RBFOX1: variants seen among roughly 807,000 people sequenced by gnomAD.
RBFOX1 encodes RNA binding fox-1 homolog 1.
RBFOX1 carries 8 observed loss-of-function variants against 57.7 expected under a neutral mutation model. That is an observed-to-expected ratio of 0.14 (90% CI 0.08 to 0.25). The LOEUF is 0.25. RBFOX1 is among the 10% of genes least tolerant of loss of function. The pLI, the probability that RBFOX1 is intolerant of heterozygous loss-of-function variation, is 1.00. For missense variants in RBFOX1, 611 were observed against 548.5 expected (o/e 1.11, Z -1.14); for synonymous variants, 326 against 222.4 (o/e 1.47, Z -4.15).
At chr16:7,278,515 G>T (rs1292024851) in intron 4 of RBFOX1, among the ~76,000 whole-genome samples, 2 of 152,132 alleles carry the variant, frequency 1.3e-5, no homozygotes, top group African/African-American at 4.8e-5. Context: ...TACCTTTTAA[G>T]AAAGTGTATT....
Position 6,556,720 on chromosome 16 carries a change from C to T in RBFOX1, c.-63-97883C>T, listed in dbSNP as rs17140590. ...AATTAAATGTATTGTGATGATCTGC[C>T]GTAGAAATTTGCATTTAAAAGAAAA... is the stretch of plus-strand genomic sequence containing the variant. On this transcript the variant is annotated intron_variant, in intron 2 of 15. Transcript: ENST00000550418. Among the ~76,000 whole-genome samples the T allele has an allele frequency of 9.6e-3, 1,452 of 151,888 alleles. 24 individuals carry two copies. The highest frequency in any genetic ancestry group is 0.033 in the African/African-American group (1,378 of 41,440).
At chr16:6,910,361 T>G (rs1432759611) in intron 3 of RBFOX1, among the ~76,000 whole-genome samples, 1 of 152,212 alleles carries the variant, frequency 6.6e-6, no homozygotes, top group Non-Finnish European at 1.5e-5. Context: ...CACACCCATC[T>G]TCCTATTTCC....
chr16:6,801,146 G>T (rs892380377), intron 3 of RBFOX1, among the ~76,000 whole-genome samples: 1 of 149,242 alleles, frequency 6.7e-6, no homozygotes, highest in East Asian at 2.0e-4. Flanking sequence ...GCTCCTAGGT[G>T]ATGTTGATGT....
At chr16:6,510,775 A>T (rs1047577929) in intron 2 of RBFOX1, among the ~76,000 whole-genome samples, 2 of 152,054 alleles carry the variant, frequency 1.3e-5, no homozygotes, top group African/African-American at 4.8e-5. Context: ...AAAGACAACA[A>T]TTTGTTGCCA....
chr16:7,094,905 G>C (rs1473482456), intron 4 of RBFOX1, among the ~76,000 whole-genome samples: 2 of 151,840 alleles, frequency 1.3e-5, no homozygotes, highest in African/African-American at 4.8e-5. Context: ...ACAGACTTTT[G>C]CCCCGTCTCT....
At chr16:7,456,834 G>A (rs34431303) in intron 4 of RBFOX1, among the ~76,000 whole-genome samples, 64,662 of 151,884 alleles carry the variant, frequency 0.43, 14,010 homozygotes, top group Non-Finnish European at 0.45. Context: ...GAGCAGGGCT[G>A]TATCAGCTTG....
chr16:6,745,215 G>C (rs191539165), intron 3 of RBFOX1, among the ~76,000 whole-genome samples: 4 of 152,046 alleles, frequency 2.6e-5, no homozygotes, highest in East Asian at 3.9e-4. Flanking sequence ...AAAATTCCAA[G>C]CCCAGATGAC....
Position 7,206,696 on chromosome 16 carries a change from G to C in RBFOX1, c.27+154598G>C, listed in dbSNP as rs868401531. 7.9e-5 allele frequency among the ~76,000 whole-genome samples: 12 copies of C among 152,062 alleles called. No individual in the cohort carries two copies. In the South Asian group the frequency reaches 1.0e-3, roughly 13 times the overall value. ...CCTGAAGTCCTGACAAGCACAGAGTGAGGATTTACGAAGTGACAAACAGAT... is the reference window on the plus strand; with the variant it reads ...CCTGAAGTCCTGACAAGCACAGAGTCAGGATTTACGAAGTGACAAACAGAT... On this transcript the variant is annotated intron_variant, in intron 4 of 15. Coordinates refer to ENST00000550418, the MANE Select transcript of RBFOX1 (RefSeq NM_018723.4).
At chr16:5,849,537 G>A (rs2056839869) in intron 3 of RBFOX1, among the ~76,000 whole-genome samples, 1 of 151,982 alleles carries the variant, frequency 6.6e-6, no homozygotes, top group Non-Finnish European at 1.5e-5. Flanking sequence ...CTGATTCCAT[G>A]GCCCCTCTGA....
At chr16:7,268,165 G>A (rs1424700580) in intron 4 of RBFOX1, among the ~76,000 whole-genome samples, 1 of 152,146 alleles carries the variant, frequency 6.6e-6, no homozygotes, top group African/African-American at 2.4e-5. Context: ...CCATAGAAAA[G>A]GTACTGTAAA....
intron 3 of RBFOX1, among the ~76,000 whole-genome samples, chr16:6,969,514 C>T (rs1259595537): frequency 6.6e-6 from 1 of 151,844 alleles, no homozygotes; most frequent in African/African-American, 2.4e-5. Flanking sequence ...GTAGGTGGAT[C>T]GATTGAGCTC....
intron 3 of RBFOX1, among the ~76,000 whole-genome samples, chr16:6,702,934 C>G (rs2062083239): frequency 6.6e-6 from 1 of 152,174 alleles, no homozygotes; most frequent in Admixed American, 6.5e-5. Context: ...TTCTCATGTC[C>G]TCCCAGCCTC....
intron 4 of RBFOX1, among the ~76,000 whole-genome samples, chr16:5,924,464 C>T (rs113390139): frequency 6.6e-6 from 1 of 152,092 alleles, no homozygotes; most frequent in Non-Finnish European, 1.5e-5. Flanking sequence ...AATGAATTCT[C>T]TATTCATTCC....
Position 5,370,349 on chromosome 16 carries a change from C to A in RBFOX1, c.220-96867C>A, listed in dbSNP as rs373492761. Among the ~76,000 whole-genome samples, 4 of 152,014 alleles carry A rather than the reference C, an allele frequency of 2.6e-5. No individual in the cohort carries two copies. The East Asian group carries it at 7.7e-4, about 29-fold the overall frequency. ...TCTCTTCCCTTCTTTAGACATTCAG[C>A]TGTTTGACGTCCTCCCTGGTGCCAG... On this transcript the variant is annotated intron_variant, in intron 1 of 2. Coordinates refer to the RBFOX1 transcript ENST00000585867.
At chr16:5,894,895 GC>G (rs35407257) in intron 4 of RBFOX1, among the ~76,000 whole-genome samples, 41,945 of 151,922 alleles carry the variant, frequency 0.28, 5,920 homozygotes, top group South Asian at 0.43. Flanking sequence ...GGTGGCAGGT[GC>G]CTGTAGTCCC....
chr16:7,196,034 A>G (rs893530245), intron 4 of RBFOX1, among the ~76,000 whole-genome samples: 3 of 151,958 alleles, frequency 2.0e-5, no homozygotes, highest in African/African-American at 7.3e-5. Flanking sequence ...TGTGAGTATC[A>G]TATTTCCCAG....
intron 1 of RBFOX1, among the ~76,000 whole-genome samples, chr16:5,398,459 A>G (rs928681751): frequency 1.3e-5 from 2 of 151,250 alleles, no homozygotes; most frequent in Admixed American, 1.3e-4. Context: ...GTGTATGTGT[A>G]TGCATGTGTG....
intron 2 of RBFOX1, among the ~76,000 whole-genome samples, chr16:6,544,868 C>G (rs780375756): frequency 3.9e-5 from 6 of 152,232 alleles, no homozygotes; most frequent in African/African-American, 1.4e-4. Context: ...AAGTTGGAAT[C>G]CGTTACCTTT....
At position 7,590,196 on chromosome 16, in the gene RBFOX1, G is replaced by A. The variant is rs2094367993; in HGVS notation, c.468+2896G>A. 2.6e-5 allele frequency among the ~76,000 whole-genome samples: 4 copies of A among 151,962 alleles called. No individual in the cohort carries two copies. In the South Asian group the frequency reaches 6.2e-4, roughly 24 times the overall value. On this transcript the variant is annotated intron_variant, in intron 7 of 15. Transcript: ENST00000550418. ...GCAGGAGGATTGCTTGATCCCAGGA[G>A]GTCAAGGCTTTACTGAGCTATGATT... is the stretch of plus-strand genomic sequence containing the variant.
Sources: allele counts gnomAD v4.1 joint callset (sites outside exome capture counted in the v4.1 genomes callset), GRCh38; gene constraint gnomAD v4.1.1; transcripts MANE v1.5; gene names NCBI Gene and HGNC (gene_info 2026-07-23, HGNC 2026-07-21).